The following ASIC2 variants were observed in gnomAD, a reference collection of about 807,000 sequenced individuals.
The protein encoded by ASIC2 is acid sensing ion channel subunit 2.
A neutral mutation model predicts 57.3 loss-of-function variants in ASIC2; 25 were observed. The ratio of observed to expected loss-of-function variants is 0.44; its 90% CI spans 0.32 to 0.61. The LOEUF (loss-of-function observed/expected upper bound fraction) is 0.61, where lower values mean the gene tolerates loss of function less well. ASIC2 is among the 20% of genes least tolerant of loss of function. The pLI is 0.06. For synonymous variants in ASIC2, 319 were observed against 307.5 expected (o/e 1.04, Z -0.39); for missense variants, 641 against 738.1 (o/e 0.87, Z 1.52).
At chr17:33,585,987 C>T (rs1039262594) in intron 1 of ASIC2, among the ~76,000 whole-genome samples, 10 of 152,078 alleles carry the variant, frequency 6.6e-5, no homozygotes, top group Admixed American at 4.6e-4. Flanking sequence ...AGAAGGATGG[C>T]GGAGTGGTCA....
chr17:33,463,708 T>C (rs1791023360), intron 1 of ASIC2, among the ~76,000 whole-genome samples: 1 of 152,212 alleles, frequency 6.6e-6, no homozygotes, highest in Non-Finnish European at 1.5e-5. Flanking sequence ...TGCCCTCCTA[T>C]GATTAGTGTC....
At chr17:33,856,907 G>C (rs1913971803) in intron 1 of ASIC2, among the ~76,000 whole-genome samples, 2 of 152,092 alleles carry the variant, frequency 1.3e-5, no homozygotes, top group Admixed American at 1.3e-4. Flanking sequence ...AAAGGCTGTG[G>C]GTGACCTACT....
intron 1 of ASIC2, among the ~76,000 whole-genome samples, chr17:33,926,949 C>T (rs1406631887): frequency 6.6e-6 from 1 of 151,788 alleles, no homozygotes; most frequent in East Asian, 1.9e-4. Context: ...TTTTTTGAGA[C>T]AGAGTCTCGC....
chr17:33,392,046 C>T (rs777631611), intron 1 of ASIC2, among the ~76,000 whole-genome samples: 7 of 152,142 alleles, frequency 4.6e-5, no homozygotes, highest in Non-Finnish European at 8.8e-5. Flanking sequence ...TCTGTTTTGC[C>T]CTTCGCCAAT....
chr17:33,750,836 G>C (rs1267828849), intron 1 of ASIC2, among the ~76,000 whole-genome samples: 1 of 152,100 alleles, frequency 6.6e-6, no homozygotes, highest in African/African-American at 2.4e-5. Context: ...AAGGCAGCTG[G>C]GGATGGGGAG....
chr17:33,247,656 T>C (rs1220613045), intron 1 of ASIC2, among the ~76,000 whole-genome samples: 1 of 152,200 alleles, frequency 6.6e-6, no homozygotes, highest in Non-Finnish European at 1.5e-5. Context: ...AGTAGAGAAC[T>C]GACCCAGCAG....
At chr17:33,851,943 A>G (rs1456098859) in intron 1 of ASIC2, among the ~76,000 whole-genome samples, 4 of 152,242 alleles carry the variant, frequency 2.6e-5, no homozygotes, top group Non-Finnish European at 5.9e-5. Context: ...TTCCGTGACC[A>G]GGGCAAGAGT....
intron 1 of ASIC2, among the ~76,000 whole-genome samples, chr17:33,880,499 A>T (rs1914671886): frequency 1.3e-5 from 2 of 152,216 alleles, no homozygotes; most frequent in South Asian, 4.1e-4. Flanking sequence ...ATAAACTAGA[A>T]AATCTAGAAG....
rs375105736 is a variant in ASIC2, at chr17:33,111,991, C to G, written c.785G>C (p.Gly262Ala). ...GATCTCCAGCCCGTTGCCTGTCCCC[C>G]CCTTGACCGTGGTGAGCAGAGGTTT... ...DGKPLLTTVK[G>A]GTGNGLEIML... The change falls in exon 2 of 10, where the codon GGG (glycine) becomes GCG (alanine). Residue 262 changes from glycine to alanine, a missense_variant. This residue lies in a region of ASIC2 where 382 missense variants were observed against 398.0 expected (regional missense o/e 0.96). Coordinates refer to ENST00000225823, the MANE Select transcript of ASIC2 (RefSeq NM_183377.2). The G allele has an allele frequency of 1.1e-5, 17 of 1,614,064 alleles. No individual in the cohort carries two copies. Among genetic ancestry groups the G allele is most frequent in the Admixed American group, 3.3e-5 (2 of 60,012 alleles).
chr17:33,346,998 T>C (rs763381182), intron 1 of ASIC2, among the ~76,000 whole-genome samples: 1 of 152,200 alleles, frequency 6.6e-6, no homozygotes, highest in African/African-American at 2.4e-5. Context: ...GAGCAGCTGC[T>C]GAAGAGTTTG....
chr17:33,039,608 T>C (rs1370484249), intron 3 of ASIC2, among the ~76,000 whole-genome samples: 1 of 152,198 alleles, frequency 6.6e-6, no homozygotes, highest in Non-Finnish European at 1.5e-5. Flanking sequence ...ACCCAGATAT[T>C]ACCCTTGGCT....
At chr17:33,535,403 G>A (rs934387354) in intron 1 of ASIC2, among the ~76,000 whole-genome samples, 1 of 151,776 alleles carries the variant, frequency 6.6e-6, no homozygotes, top group African/African-American at 2.4e-5. Context: ...CTCCCGAGTA[G>A]CTGGGACTAC....
chr17:33,349,362 A>G (rs533457017), intron 1 of ASIC2, among the ~76,000 whole-genome samples: 7 of 152,252 alleles, frequency 4.6e-5, no homozygotes, highest in Non-Finnish European at 1.0e-4. Context: ...GAATCCAGGC[A>G]GAGTGAGTAT....
chr17:33,137,549 G>A (rs1176765426), intron 1 of ASIC2, among the ~76,000 whole-genome samples: 1 of 152,224 alleles, frequency 6.6e-6, no homozygotes, highest in African/African-American at 2.4e-5. Context: ...GGGGACCTCT[G>A]AGAGATGGTG....
chr17:33,724,775 T>C (rs1371115552), intron 1 of ASIC2, among the ~76,000 whole-genome samples: 3 of 152,006 alleles, frequency 2.0e-5, no homozygotes, highest in African/African-American at 4.8e-5. Flanking sequence ...CAAGAGGTGG[T>C]TGACTAATTG....
At chr17:33,639,969 A>C (rs1389264080) in intron 1 of ASIC2, among the ~76,000 whole-genome samples, 1 of 152,162 alleles carries the variant, frequency 6.6e-6, no homozygotes, top group East Asian at 1.9e-4. Flanking sequence ...GATACAAGGA[A>C]GTGACTGTAA....
At chr17:33,882,626 G>A (rs935757793) in intron 1 of ASIC2, among the ~76,000 whole-genome samples, 30 of 152,296 alleles carry the variant, frequency 2.0e-4, no homozygotes, top group African/African-American at 5.3e-4. Context: ...TGCTGGAGAG[G>A]ATGTGGAGAA....
Position 33,038,402 on chromosome 17 carries a change from C to A in ASIC2, c.988-10010G>T, listed in dbSNP as rs531086500. Among the ~76,000 whole-genome samples the A allele has an allele frequency of 2.0e-5, 3 of 152,294 alleles. No individual in the cohort carries two copies. In the South Asian group the frequency reaches 6.2e-4, roughly 32 times the overall value. ...TCCTGCCCGGTTCAGACATCCAAGTCAAGATGTTACCAGGAAGATGAATCT... is the reference window on the plus strand; with the variant it reads ...TCCTGCCCGGTTCAGACATCCAAGTAAAGATGTTACCAGGAAGATGAATCT... On this transcript the variant is annotated intron_variant, in intron 3 of 9. Transcript: ENST00000225823.
At chr17:33,477,534 C>T (rs1164115591) in intron 1 of ASIC2, among the ~76,000 whole-genome samples, 1 of 152,208 alleles carries the variant, frequency 6.6e-6, no homozygotes, top group Non-Finnish European at 1.5e-5. Context: ...CCTTCACCTT[C>T]TGTAGTCTGT....
Sources: gnomAD v4.1 joint callset for allele counts (sites outside exome capture counted in the v4.1 genomes callset) on GRCh38, gnomAD v4.1.1 for gene constraint, gnomAD v4.1.1 regional missense constraint, MANE v1.5 for transcripts, NCBI Gene and HGNC (gene_info 2026-07-23, HGNC 2026-07-21) for gene names.